RBFOX3: variants seen among roughly 807,000 people sequenced by gnomAD.
The protein encoded by RBFOX3 is RNA binding fox-1 homolog 3, also known as RNA binding protein fox-1 homolog 3.
A neutral mutation model predicts 48.7 loss-of-function variants in RBFOX3; 17 were observed. The ratio of observed to expected loss-of-function variants is 0.35; its 90% CI spans 0.24 to 0.52. The LOEUF is 0.52. RBFOX3 is among the 20% of genes least tolerant of loss of function. RBFOX3 has a pLI of 0.94. For missense variants in RBFOX3, 382 were observed against 497.5 expected (o/e 0.77, Z 2.21); for synonymous variants, 212 against 209.5 (o/e 1.01, Z -0.10).
chr17:79,186,584 C>T (rs1332191114), intron 4 of RBFOX3, among the ~76,000 whole-genome samples: 1 of 152,188 alleles, frequency 6.6e-6, no homozygotes, highest in African/African-American at 2.4e-5. Flanking sequence ...TGGGGGAAGC[C>T]TGTGCTCCTG....
At chr17:79,664,368 T>C in the RBFOX3 span, among the ~76,000 whole-genome samples, 145,546 of 149,216 alleles carry the variant, frequency 0.98, 71,098 homozygotes, top group Non-Finnish European at 1. Context: ...TTTTTTGAGA[T>C]GGAGTCTCGC....
intron 8 of RBFOX3, 143 bp from the exon 9 acceptor site, chr17:79,101,787 G>A (rs529840809): frequency 7.5e-5 from 57 of 764,622 alleles, no homozygotes; most frequent in Middle Eastern, 6.2e-4. Context: ...CCTGCCCTCC[G>A]GGAGCCTTGG....
chr17:79,397,675 C>T (rs2062195593), intron 2 of RBFOX3, among the ~76,000 whole-genome samples: 1 of 150,898 alleles, frequency 6.6e-6, no homozygotes, highest in African/African-American at 2.4e-5. Flanking sequence ...ACATCTTTTC[C>T]TTTACGACAT....
intron 4 of RBFOX3, among the ~76,000 whole-genome samples, chr17:79,128,088 C>G (rs1275387191): frequency 6.6e-6 from 1 of 152,246 alleles, no homozygotes; most frequent in East Asian, 1.9e-4. Context: ...GAGTCCTACC[C>G]TCAGGGAGCA....
At chr17:79,162,412 C>T (rs2707044) in intron 4 of RBFOX3, among the ~76,000 whole-genome samples, 3 of 152,354 alleles carry the variant, frequency 2.0e-5, no homozygotes, top group African/African-American at 7.2e-5. Flanking sequence ...CCCTGCCTCT[C>T]TCCTGCCTCC....
At chr17:79,140,277 G>C (rs1568210945) in intron 4 of RBFOX3, among the ~76,000 whole-genome samples, 1 of 152,234 alleles carries the variant, frequency 6.6e-6, no homozygotes, top group Non-Finnish European at 1.5e-5. Flanking sequence ...AAGTATAACA[G>C]CTCAGCTCAT....
chr17:79,315,882 C>T (rs530157485), intron 2 of RBFOX3, among the ~76,000 whole-genome samples: 3 of 152,162 alleles, frequency 2.0e-5, no homozygotes, highest in Non-Finnish European at 2.9e-5. Flanking sequence ...AGAGGCCTCC[C>T]GAGCTAACCC....
At chr17:79,542,380 C>A (rs2089840984) in intron 1 of RBFOX3, among the ~76,000 whole-genome samples, 1 of 152,140 alleles carries the variant, frequency 6.6e-6, no homozygotes, top group South Asian at 2.1e-4. Context: ...TGGGGCGGCT[C>A]CCTAGTCCCT....
chr17:79,630,452 C>A, the RBFOX3 span, among the ~76,000 whole-genome samples: 2 of 152,166 alleles, frequency 1.3e-5, no homozygotes, highest in East Asian at 3.8e-4. Context: ...GAGCTCTTCT[C>A]GGAGGAAATG....
Position 79,603,642 on chromosome 17 carries a change from C to T in RBFOX3, c.-320+7184G>A, listed in dbSNP as rs1305814437. 7.9e-5 allele frequency: 12 copies of T among 152,362 alleles called. No individual in the cohort carries two copies. In the East Asian group the frequency reaches 1.5e-3, roughly 20 times the overall value. The allele number at this position is 152,362 out of a possible 1,614,324, so 9.4% of individuals were successfully genotyped here. On this transcript the variant is annotated intron_variant, in intron 1 of 14. Transcript: ENST00000693108. The stretch of plus-strand genomic sequence containing the variant: ...AAAGCGAGCTCTATTAAAGCAGCCT[C>T]ATAATTATACCCACAGGGAACAGTT...
rs1029683204 is a variant in RBFOX3, at chr17:79,390,301, G to A, written c.-174-82477C>T. 9.2e-5 allele frequency among the ~76,000 whole-genome samples: 14 copies of A among 152,290 alleles called. No individual in the cohort carries two copies. Among genetic ancestry groups the A allele is most frequent in the Non-Finnish European group, 1.3e-4 (9 of 68,018 alleles). ...TAGCTGGCAGACACCAGCATCCCGG[G>A]GGGACTTCTTAGACTCCACTCTGAG... On this transcript the variant is annotated intron_variant, in intron 2 of 14. Transcript: ENST00000693108. The surrounding 1 kb of genome is among the most constrained non-coding windows in gnomAD (Gnocchi z 4.2).
chr17:79,290,274 A>C (rs2072983601), intron 3 of RBFOX3, among the ~76,000 whole-genome samples: 1 of 151,986 alleles, frequency 6.6e-6, no homozygotes. Flanking sequence ...GAAGGAAGGA[A>C]TGAGAGGCAG....
the RBFOX3 span, among the ~76,000 whole-genome samples, chr17:79,623,128 C>T: frequency 6.6e-6 from 1 of 152,222 alleles, no homozygotes; most frequent in Non-Finnish European, 1.5e-5. Flanking sequence ...AGACTGCCTC[C>T]ACTCAGGATC....
intron 1 of RBFOX3, among the ~76,000 whole-genome samples, chr17:79,504,705 G>C (rs34171533): frequency 5.1e-4 from 78 of 152,088 alleles, no homozygotes; most frequent in African/African-American, 1.7e-3. Context: ...TTTAGGGCCC[G>C]CCTGGATAAT....
intron 3 of RBFOX3, among the ~76,000 whole-genome samples, chr17:79,286,872 C>T (rs1164000394): frequency 2.0e-5 from 3 of 152,218 alleles, no homozygotes; most frequent in Non-Finnish European, 4.4e-5. Context: ...TCCTCAGACA[C>T]TGTCAGAAGC....
At chr17:79,264,381 T>C (rs1447499405) in intron 3 of RBFOX3, among the ~76,000 whole-genome samples, 2 of 152,012 alleles carry the variant, frequency 1.3e-5, no homozygotes, top group Non-Finnish European at 2.9e-5. Context: ...TGGCTTTTTT[T>C]TTTTTAAAGA....
rs1267605098 is a variant in RBFOX3 at position 79,482,033 on chromosome 17, AG to A, written c.-175+420del. On this transcript the variant is annotated intron_variant, in intron 2 of 14. Transcript: ENST00000693108. The surrounding 1 kb of genome is among the most constrained non-coding windows in gnomAD (Gnocchi z 4.1). ...ATCATGCCGTCCCCTCTAGAGCCAC[AG>A]GAAGGCTTCAGGGCCCTCCCTGAGC... 6.6e-5 allele frequency among the ~76,000 whole-genome samples: 10 copies of A among 152,260 alleles called. No individual in the cohort carries two copies. In the East Asian group the frequency reaches 1.4e-3, roughly 21 times the overall value.
chr17:79,145,159 G>A (rs868462580), intron 4 of RBFOX3, among the ~76,000 whole-genome samples: 17 of 152,186 alleles, frequency 1.1e-4, no homozygotes, highest in Non-Finnish European at 1.0e-4. Context: ...CCCAGAGCCC[G>A]AGTTTGGGCA....
intron 3 of RBFOX3, among the ~76,000 whole-genome samples, chr17:79,239,848 C>T (rs539396554): frequency 3.9e-5 from 6 of 152,336 alleles, no homozygotes; most frequent in African/African-American, 1.4e-4. Context: ...AGAGCTGGAC[C>T]CCTGTTTTGA....
Sources: gnomAD v4.1 joint callset for allele counts (sites outside exome capture counted in the v4.1 genomes callset) on GRCh38, gnomAD v4.1.1 for gene constraint, Gnocchi (gnomAD v3.1) non-coding constraint, MANE v1.5 for transcripts, NCBI Gene and HGNC (gene_info 2026-07-23, HGNC 2026-07-21) for gene names.